ZNF143: variants seen among roughly 807,000 people sequenced by gnomAD.
ZNF143 encodes SPH-binding factor.
Under a neutral mutation model 74.1 loss-of-function variants are expected in ZNF143, and 49 were observed. The ratio of observed to expected loss-of-function variants is 0.66; its 90% confidence interval spans 0.53 to 0.84. The LOEUF (loss-of-function observed/expected upper bound fraction) is 0.84. Among genes scored for constraint, ZNF143 ranks in the 40% least tolerant of loss-of-function variants. ZNF143 has a pLI of 0.00. For missense variants in ZNF143, 637 were observed against 793.4 expected (o/e 0.80, Z 2.37); for synonymous variants, 304 against 282.8 (o/e 1.07, Z -0.75).
At chr11:9,500,952 CAA>C in intron 10 of ZNF143, 137 bp from the exon 11 acceptor site, 1 of 1,001,228 alleles carries the variant, frequency 1.0e-6, no homozygotes, top group African/African-American at 1.7e-5. Context: ...CCAACCCCCC[CAA>C]AAAAATGCCT....
intron 9 of ZNF143, among the ~76,000 whole-genome samples, chr11:9,497,051 C>T (rs1477894912): frequency 6.6e-6 from 1 of 152,228 alleles, no homozygotes; most frequent in African/African-American, 2.4e-5. Context: ...CTGGGACTGG[C>T]ACCAGGCCTG....
chr11:9,486,438 TAATATA>T (rs1847541943), intron 7 of ZNF143, among the ~76,000 whole-genome samples: 1 of 42,620 alleles, frequency 2.3e-5, no homozygotes, highest in Non-Finnish European at 4.8e-5. Context: ...ATTATATATA[TAATATA>T]TTATATATAT....
rs556909063 is a variant in ZNF143, at chr11:9,477,552, G to A, written c.374-838G>A. Among the ~76,000 whole-genome samples the A allele has an allele frequency of 2.0e-5, 3 of 152,222 alleles. No homozygotes were observed. In the East Asian group the frequency reaches 5.8e-4, roughly 29 times the overall value. On this transcript the variant is annotated intron_variant, in intron 5 of 15. Transcript: ENST00000396602. Reference sequence around the variant, plus strand: ...TTACAGGCGTGAGCCACCACAAAAGGCCGCACTTTTTTCTTTATCAATAAG... The same window carrying A: ...TTACAGGCGTGAGCCACCACAAAAGACCGCACTTTTTTCTTTATCAATAAG...
Position 9,478,443 on chromosome 11 carries a change from G to T in ZNF143, c.427G>T (p.Ala143Ser). The T allele has an allele frequency of 6.2e-7, 1 of 1,614,156 alleles. No individual in the cohort carries two copies. Among genetic ancestry groups the T allele is most frequent in the Non-Finnish European group, 8.5e-7 (1 of 1,180,032 alleles). ...GGTTCAGCTGGAAGATGGTACCACA[G>T]CTTATATCCACCATGCAGTGCAAGT... The part of the protein sequence containing the change: ...QAVQLEDGTT[A>S]YIHHAVQVPQ... Residue 143 changes from alanine (A) to serine (S), a missense_variant, in exon 6 of 16, where the codon GCT (alanine) becomes TCT (serine). Transcript: ENST00000396602.
intron 10 of ZNF143, among the ~76,000 whole-genome samples, chr11:9,498,099 C>G (rs912859936): frequency 5.9e-5 from 9 of 151,986 alleles, no homozygotes; most frequent in South Asian, 4.2e-4. Flanking sequence ...CAAAGTGCTG[C>G]GATTACAGGC....
chr11:9,481,902 A>AT (rs755448571), intron 7 of ZNF143, among the ~76,000 whole-genome samples: 1 of 138,852 alleles, frequency 7.2e-6, no homozygotes. Context: ...AAAAAAAAAA[A>AT]TTTCAGAACT....
chr11:9,478,646 A>G (rs1847116961), intron 6 of ZNF143, 60 bp downstream of exon 6: 1 of 1,550,834 alleles, frequency 6.4e-7, no homozygotes. Context: ...TTTCATGAAA[A>G]GAAAAGAAAA....
At chr11:9,486,414 T>TATATATA (rs1491546428) in intron 7 of ZNF143, among the ~76,000 whole-genome samples, 28 of 24,008 alleles carry the variant, frequency 1.2e-3, no homozygotes, top group African/African-American at 3.2e-3. Context: ...ATATATATAA[T>TATATATA]ATATATTATA....
At chr11:9,519,215 ATTT>A (rs35448513) in intron 14 of ZNF143, among the ~76,000 whole-genome samples, 4 of 146,476 alleles carry the variant, frequency 2.7e-5, no homozygotes, top group Admixed American at 6.8e-5. Flanking sequence ...AGTTTTGCCT[ATTT>A]TTTTTTTTTT....
At chr11:9,506,757 A>G (rs894117846) in intron 11 of ZNF143, among the ~76,000 whole-genome samples, 1 of 152,208 alleles carries the variant, frequency 6.6e-6, no homozygotes, top group Non-Finnish European at 1.5e-5. Flanking sequence ...ACTGGTCACA[A>G]TATCCAGTAG....
chr11:9,522,351 A>G (rs1258005641), intron 14 of ZNF143, among the ~76,000 whole-genome samples: 1 of 152,000 alleles, frequency 6.6e-6, no homozygotes, highest in Non-Finnish European at 1.5e-5. Context: ...TCAGCCTCCC[A>G]AGAAGCTAGG....
At chr11:9,487,576 C>G (rs562465517) in intron 7 of ZNF143, among the ~76,000 whole-genome samples, 1 of 152,072 alleles carries the variant, frequency 6.6e-6, no homozygotes, top group Non-Finnish European at 1.5e-5. Context: ...CCAGGATGGT[C>G]TCGATCTCCT....
intron 2 of ZNF143, among the ~76,000 whole-genome samples, chr11:9,472,360 C>T (rs957489306): frequency 6.6e-6 from 1 of 152,164 alleles, no homozygotes; most frequent in Non-Finnish European, 1.5e-5. Flanking sequence ...TCAAGCGATT[C>T]TTCTGCCTCA....
chr11:9,473,863 G>A, intron 3 of ZNF143, 78 bp from the exon 4 acceptor site: 1 of 1,612,116 alleles, frequency 6.2e-7, no homozygotes, highest in Non-Finnish European at 8.5e-7. Context: ...TGTTTTTATA[G>A]TTGATATCAT....
chr11:9,491,234 GA>G (rs1230656179), intron 7 of ZNF143, among the ~76,000 whole-genome samples: 2 of 151,428 alleles, frequency 1.3e-5, no homozygotes, highest in African/African-American at 4.9e-5. Context: ...AATGAAACAA[GA>G]AAAAGATACA....
intron 1 of ZNF143, among the ~76,000 whole-genome samples, chr11:9,469,210 G>A (rs1187354653): frequency 2.2e-5 from 3 of 135,262 alleles, no homozygotes; most frequent in African/African-American, 5.7e-5. Context: ...ATTCTCAGCA[G>A]GGGTCTTTTT....
chr11:9,465,176 C>T (rs927435778), intron 1 of ZNF143, among the ~76,000 whole-genome samples: 1 of 152,044 alleles, frequency 6.6e-6, no homozygotes, highest in Non-Finnish European at 1.5e-5. Flanking sequence ...TTGGGACTTA[C>T]TATTTTTTTT....
chr11:9,506,698 T>C (rs1340262941), intron 11 of ZNF143, among the ~76,000 whole-genome samples: 1 of 152,176 alleles, frequency 6.6e-6, no homozygotes, highest in African/African-American at 2.4e-5. Context: ...AAGAGGTGGG[T>C]CTGGGCTGGA....
chr11:9,528,366 C>G lies in ZNF143; in HGVS notation c.*753C>G, dbSNP rs2134303107. 6.6e-6 allele frequency: 1 copy of G among 152,082 alleles called. No homozygotes were observed. Among genetic ancestry groups the G allele is most frequent in the Middle Eastern group, 3.4e-3 (1 of 294 alleles). 9.4% of individuals were successfully genotyped at this position (152,082 alleles called of 1,614,324 possible). ...ATCAAAGTTTAACCACAGGCTGGTG[C>G]CCGGGATAACAGTACTGTAATTGGA... On this transcript the variant is annotated 3_prime_UTR_variant, in exon 16 of 16. Coordinates refer to ENST00000396602, the MANE Select transcript of ZNF143 (RefSeq NM_003442.6).
Sources: allele counts gnomAD v4.1 joint callset (sites outside exome capture counted in the v4.1 genomes callset), GRCh38; gene constraint gnomAD v4.1.1; transcripts MANE v1.5; gene names NCBI Gene and HGNC (gene_info 2026-07-23, HGNC 2026-07-21).